FRMPD3: variants seen among roughly 807,000 people sequenced by gnomAD.
The protein encoded by FRMPD3 is FERM and PDZ domain-containing protein 3.
Under a neutral mutation model 97.9 loss-of-function variants are expected in FRMPD3, and 42 were observed. The observed-to-expected ratio is 0.43, with a 90% CI of 0.34 to 0.55. FRMPD3 has a LOEUF of 0.55. Among genes scored for constraint, FRMPD3 ranks in the 20% least tolerant of loss-of-function variants. The probability of loss-of-function intolerance (pLI) is 0.03; values close to 1 mark genes in which losing one functional copy is unlikely to be tolerated. For synonymous variants in FRMPD3, 577 were observed against 581.1 expected (o/e 0.99, Z 0.10); for missense variants, 1,303 against 1,457.7 (o/e 0.89, Z 1.73).
chrX:107,477,454 G>A (rs192791213), intron 1 of FRMPD3, among the ~76,000 whole-genome samples: 1 of 112,668 alleles, frequency 8.9e-6, no homozygotes, highest in Admixed American at 9.3e-5. Flanking sequence ...TTCCCATCTG[G>A]ATAGTTCTAG....
chrX:107,604,313 T>A lies in FRMPD3; in HGVS notation c.*940T>A, dbSNP rs866355626. The A allele has an allele frequency of 6.2e-5, 1 of 16,012 alleles. No homozygotes were observed. The highest frequency in any genetic ancestry group is 2.5e-4 in the African/African-American group (1 of 3,925). 1.3% of individuals were successfully genotyped at this position (16,012 alleles called of 1,213,427 possible). On this transcript the variant is annotated 3_prime_UTR_variant, in exon 15 of 15. Coordinates refer to ENST00000683843, the MANE Select transcript of FRMPD3 (RefSeq NM_001388459.1). Reference sequence around the variant, plus strand: ...GGGGGAGGGGGGAAAGGGGTAGGGGTGGGGGGTGTTGATGACTATATCTTA... The same window carrying A: ...GGGGGAGGGGGGAAAGGGGTAGGGGAGGGGGGTGTTGATGACTATATCTTA...
chrX:107,489,980 G>T (rs1487497616), intron 1 of FRMPD3, among the ~76,000 whole-genome samples: 5 of 112,027 alleles, frequency 4.5e-5, no homozygotes, highest in South Asian at 7.5e-4. Flanking sequence ...GGTCTAACAT[G>T]TAAGTCTTTA....
chrX:107,460,993 A>C (rs984615342), intron 1 of FRMPD3, among the ~76,000 whole-genome samples: 5 of 112,127 alleles, frequency 4.5e-5, no homozygotes, highest in Non-Finnish European at 9.4e-5. Flanking sequence ...AAACAGACCC[A>C]CTAGTCCGCT....
rs12011630 is a variant in FRMPD3 at position 107,552,854 on chromosome X, T to C, written c.570T>C (p.Leu190=). Reference sequence around the variant, plus strand: ...TGAGGTTCATTGAGCACTTTGCTCTTGTCCTTGAGTATGCCGGGCCAGAAC... The same window carrying C: ...TGAGGTTCATTGAGCACTTTGCTCTCGTCCTTGAGTATGCCGGGCCAGAAC... ...LSLRFIEHFA[L]VLEYAGPEQN... The change falls in exon 7 of 15, where the codon CTT becomes CTC. Residue 190 remains leucine, a synonymous_variant. Coordinates refer to ENST00000683843, the MANE Select transcript of FRMPD3 (RefSeq NM_001388459.1). 0.036 allele frequency: 43,081 copies of C among 1,208,194 alleles called. 5,340 individuals are homozygous for C. The African/African-American group carries it at 0.48, about 13-fold the overall frequency.
At chrX:107,508,941 T>G (rs1474608315) in intron 1 of FRMPD3, among the ~76,000 whole-genome samples, 1 of 112,224 alleles carries the variant, frequency 8.9e-6, no homozygotes, top group East Asian at 2.8e-4. Context: ...GTACCTTTAT[T>G]AGGAATTATT....
intron 1 of FRMPD3, among the ~76,000 whole-genome samples, chrX:107,486,648 T>C (rs1179898278): frequency 8.9e-6 from 1 of 111,905 alleles, no homozygotes; most frequent in East Asian, 2.8e-4. Flanking sequence ...AAAGAATCGA[T>C]TGACTGTAGA....
At chrX:107,527,604 GT>G (rs1922745513) in intron 2 of FRMPD3, among the ~76,000 whole-genome samples, 2 of 112,282 alleles carry the variant, frequency 1.8e-5, no homozygotes, top group South Asian at 7.4e-4. Context: ...CTGAAGTACT[GT>G]TTTGTTTCGA....
intron 1 of FRMPD3, among the ~76,000 whole-genome samples, chrX:107,481,381 T>C (rs1415351823): frequency 8.9e-6 from 1 of 112,056 alleles, no homozygotes; most frequent in East Asian, 2.8e-4. Context: ...CTGTAATTTG[T>C]AGGGATCCCT....
Position 107,603,711 on chromosome X carries a change from G to A in FRMPD3, c.*338G>A, listed in dbSNP as rs1924674002. 1 of 179,366 alleles carries A rather than the reference G, an allele frequency of 5.6e-6. No homozygotes were observed. The highest frequency in any genetic ancestry group is 2.3e-4 in the South Asian group (1 of 4,362). The allele number at this position is 179,366 out of a possible 1,213,427, so 14.8% of individuals were successfully genotyped here. A position where few individuals can be genotyped will look rare whatever the true frequency, so the allele number is the denominator to read the frequency against. On this transcript the variant is annotated 3_prime_UTR_variant, in exon 15 of 15. Transcript: ENST00000683843. ...CTCACTTCCTGCTCAATCCGTGTTG[G>A]GCGCTGGGGGAGCCAGGGCCTGAAG... is the stretch of plus-strand genomic sequence containing the variant.
chrX:107,591,113 T>C (rs1923878279), intron 13 of FRMPD3, among the ~76,000 whole-genome samples: 1 of 111,383 alleles, frequency 9.0e-6, no homozygotes, highest in African/African-American at 3.3e-5. Flanking sequence ...TCTATCTTCT[T>C]GAATCAGTTT....
intron 1 of FRMPD3, among the ~76,000 whole-genome samples, chrX:107,496,022 T>G (rs769885786): frequency 3.0e-4 from 33 of 111,694 alleles, no homozygotes; most frequent in Non-Finnish European, 5.3e-4. Flanking sequence ...TTTGCCTCAG[T>G]GTCCTTGTCT....
intron 5 of FRMPD3, among the ~76,000 whole-genome samples, chrX:107,548,519 G>T (rs771235679): frequency 2.0e-4 from 22 of 112,597 alleles, no homozygotes; most frequent in Non-Finnish European, 3.4e-4. Flanking sequence ...CATTTATTGC[G>T]CACCAAATGT....
At chrX:107,587,116 T>G (rs903951968) in intron 13 of FRMPD3, among the ~76,000 whole-genome samples, 5 of 112,170 alleles carry the variant, frequency 4.5e-5, no homozygotes, top group Admixed American at 9.5e-5. Flanking sequence ...GAACTTGTTT[T>G]ATGAATCTGA....
intron 1 of FRMPD3, among the ~76,000 whole-genome samples, chrX:107,524,755 G>A (rs1922625001): frequency 9.0e-6 from 1 of 111,257 alleles, no homozygotes; most frequent in Non-Finnish European, 1.9e-5. Flanking sequence ...CACTTTGGGA[G>A]GCCGAGGCGG....
rs201632532 is a variant in FRMPD3, at chrX:107,586,405, A to AT, written c.1441+9959dup. On this transcript the variant is annotated intron_variant, in intron 13 of 14. Transcript: ENST00000683843. ...AAAAAACCACCTCCTGGATTCATTGATTTTTTTTTTTTTGGAGTGTTTTTT... is the reference window on the plus strand; with the variant it reads ...AAAAAACCACCTCCTGGATTCATTGATTTTTTTTTTTTTTGGAGTGTTTTTT... Among the ~76,000 whole-genome samples the AT allele has an allele frequency of 3.8e-3, 377 of 99,039 alleles. 2 individuals are homozygous for AT. Among genetic ancestry groups the AT allele is most frequent in the African/African-American group, 0.01 (280 of 27,748 alleles). 86.0% of individuals were successfully genotyped at this position (99,039 alleles called of 115,157 possible).
chrX:107,575,042 A>G (rs1923048929), intron 12 of FRMPD3, among the ~76,000 whole-genome samples: 1 of 112,443 alleles, frequency 8.9e-6, no homozygotes, highest in South Asian at 3.7e-4. Flanking sequence ...TTCTTGAAAT[A>G]GTGCTGATTT....
At chrX:107,507,746 C>G (rs1174974717) in intron 1 of FRMPD3, among the ~76,000 whole-genome samples, 1 of 112,347 alleles carries the variant, frequency 8.9e-6, no homozygotes, top group Admixed American at 9.4e-5. Flanking sequence ...CTGTAAAACT[C>G]AGGGGAGAGG....
At chrX:107,567,562 C>T (rs1922658705) in intron 12 of FRMPD3, among the ~76,000 whole-genome samples, 1 of 111,513 alleles carries the variant, frequency 9.0e-6, no homozygotes, top group African/African-American at 3.3e-5. Context: ...GGGATGTGTT[C>T]AAAGGCAAGG....
intron 13 of FRMPD3, among the ~76,000 whole-genome samples, chrX:107,595,179 T>G (rs769351923): frequency 6.4e-5 from 7 of 109,698 alleles, no homozygotes; most frequent in Non-Finnish European, 1.1e-4. Context: ...TAGCTGGGCG[T>G]GGTGGCAGGT....
Sources: allele counts gnomAD v4.1 joint callset (sites outside exome capture counted in the v4.1 genomes callset), GRCh38; gene constraint gnomAD v4.1.1; transcripts MANE v1.5; gene names NCBI Gene and HGNC (gene_info 2026-07-23, HGNC 2026-07-21).